Variants in GRID2 observed in about 807,000 individuals in gnomAD.
GRID2 encodes the protein glutamate ionotropic receptor delta type subunit 2.
In GRID2, 33 loss-of-function variants were observed where a neutral mutation model predicts 114.8. That is an observed-to-expected ratio of 0.29 (90% confidence interval 0.22 to 0.38). The LOEUF (loss-of-function observed/expected upper bound fraction) is 0.38. Ranked by LOEUF, GRID2 falls within the 10% of genes least tolerant of loss-of-function variation. The pLI is 1.00. For missense variants in GRID2, 1,184 were observed against 1,257.7 expected (o/e 0.94, Z 0.89); for synonymous variants, 505 against 449.9 (o/e 1.12, Z -1.55).
chr4:92,445,910 G>A (rs539062580), intron 1 of GRID2, among the ~76,000 whole-genome samples: 18 of 151,872 alleles, frequency 1.2e-4, no homozygotes, highest in African/African-American at 4.3e-4. Flanking sequence ...CTAATGTTTT[G>A]TTACTAAAAT....
At chr4:93,677,636 T>G (rs1435318205) in intron 14 of GRID2, among the ~76,000 whole-genome samples, 1 of 152,042 alleles carries the variant, frequency 6.6e-6, no homozygotes, top group African/African-American at 2.4e-5. Context: ...AATCCGCGGT[T>G]CTGCAGACAC....
chr4:92,895,384 C>CATATGTATATATATAT (rs1553943754), intron 2 of GRID2, among the ~76,000 whole-genome samples: 2 of 108,144 alleles, frequency 1.8e-5, no homozygotes, highest in Non-Finnish European at 3.4e-5. Flanking sequence ...ATGTAGAAAA[C>CATATGTATATATATAT]ATATATATAT....
intron 2 of GRID2, among the ~76,000 whole-genome samples, chr4:92,722,307 A>G (rs1222069773): frequency 6.6e-6 from 1 of 152,158 alleles, no homozygotes; most frequent in African/African-American, 2.4e-5. Context: ...AGAAAAGCTC[A>G]TACTGGAACG....
chr4:92,961,954 A>T (rs1752848345), intron 2 of GRID2, among the ~76,000 whole-genome samples: 1 of 151,822 alleles, frequency 6.6e-6, no homozygotes, highest in Non-Finnish European at 1.5e-5. Flanking sequence ...ATCTACTAAT[A>T]TGCCCAAGAA....
At position 92,439,543 on chromosome 4, in the gene GRID2, C is replaced by T. The variant is rs1024148809; in HGVS notation, c.88+134799C>T. The stretch of plus-strand genomic sequence containing the variant: ...CTGCTTCAAGCGGGATTAGGGGCGG[C>T]GTGGGAACCTAGAGTGGGAGAGATT... On this transcript the variant is annotated intron_variant, in intron 1 of 15. Coordinates refer to ENST00000282020, the MANE Select transcript of GRID2 (RefSeq NM_001510.4). Among the ~76,000 whole-genome samples, 763 of 151,326 alleles carry T rather than the reference C, an allele frequency of 5.0e-3. 6 individuals are homozygous for T. Among genetic ancestry groups the T allele is most frequent in the African/African-American group, 0.017 (704 of 41,270 alleles).
At chr4:93,582,130 T>C (rs892333054) in intron 13 of GRID2, among the ~76,000 whole-genome samples, 1 of 152,150 alleles carries the variant, frequency 6.6e-6, no homozygotes, top group African/African-American at 2.4e-5. Context: ...AAAATTAAGG[T>C]GTCAGCAGGT....
chr4:93,454,745 AC>A (rs1310591852), intron 10 of GRID2, among the ~76,000 whole-genome samples: 1 of 152,094 alleles, frequency 6.6e-6, no homozygotes, highest in Non-Finnish European at 1.5e-5. Context: ...CTTTCCTGAA[AC>A]AATTAAAAAG....
chr4:93,391,138 A>T (rs1764814695), intron 8 of GRID2, among the ~76,000 whole-genome samples: 1 of 152,190 alleles, frequency 6.6e-6, no homozygotes, highest in Admixed American at 6.6e-5. Flanking sequence ...TCCTCTAGGG[A>T]ACACATTTTA....
intron 1 of GRID2, among the ~76,000 whole-genome samples, chr4:92,375,117 C>G (rs2110225693): frequency 1.3e-5 from 2 of 152,172 alleles, no homozygotes; most frequent in Non-Finnish European, 2.9e-5. Context: ...GCAAGTTTTC[C>G]TTTAATATTT....
At chr4:92,631,732 G>C (rs1483261417) in intron 2 of GRID2, among the ~76,000 whole-genome samples, 1 of 152,008 alleles carries the variant, frequency 6.6e-6, no homozygotes, top group African/African-American at 2.4e-5. Flanking sequence ...CTTCAACTCT[G>C]CATGGAAAGT....
chr4:93,782,892 TACAC>T (rs57202855), intron 1 of GRID2, among the ~76,000 whole-genome samples: 58,755 of 149,712 alleles, frequency 0.39, 11,573 homozygotes, highest in Middle Eastern at 0.48. Flanking sequence ...CCATGAATCA[TACAC>T]ACACACACAC....
chr4:93,666,218 G>A (rs1723932596), intron 14 of GRID2, among the ~76,000 whole-genome samples: 1 of 151,904 alleles, frequency 6.6e-6, no homozygotes. Context: ...TAGTTTTATT[G>A]TGCTAAACAC....
At chr4:92,667,649 A>G (rs1732853888) in intron 2 of GRID2, among the ~76,000 whole-genome samples, 1 of 151,634 alleles carries the variant, frequency 6.6e-6, no homozygotes, top group African/African-American at 2.4e-5. Context: ...AAGTTTTGTT[A>G]GCTGGACAGT....
At chr4:92,891,589 G>A (rs935691165) in intron 2 of GRID2, among the ~76,000 whole-genome samples, 1 of 152,124 alleles carries the variant, frequency 6.6e-6, no homozygotes, top group Admixed American at 6.5e-5. Flanking sequence ...ATTAGCACAT[G>A]TACTGGGTGA....
intron 4 of GRID2, among the ~76,000 whole-genome samples, chr4:93,168,611 C>T (rs1047541970): frequency 1.3e-5 from 2 of 151,908 alleles, no homozygotes; most frequent in East Asian, 1.9e-4. Flanking sequence ...TAAACATGGG[C>T]AATTGGAGTT....
intron 2 of GRID2, among the ~76,000 whole-genome samples, chr4:92,709,574 A>AG: frequency 8.6e-6 from 1 of 116,324 alleles, no homozygotes; most frequent in East Asian, 2.6e-4. Flanking sequence ...AGTGTAGAGA[A>AG]AAAAAAAAAA....
chr4:93,479,976 TCTTTA>T (rs1268105717), intron 11 of GRID2, among the ~76,000 whole-genome samples: 2 of 152,138 alleles, frequency 1.3e-5, no homozygotes, highest in Admixed American at 6.6e-5. Flanking sequence ...TTGAAAATTC[TCTTTA>T]CTTGTATAAG....
intron 4 of GRID2, among the ~76,000 whole-genome samples, chr4:93,157,994 G>T (rs1250315925): frequency 6.6e-6 from 1 of 151,788 alleles, no homozygotes; most frequent in Non-Finnish European, 1.5e-5. Context: ...GACTACAGTT[G>T]CACATGTAGT....
intron 4 of GRID2, among the ~76,000 whole-genome samples, chr4:93,118,029 C>T (rs1041621509): frequency 4.6e-5 from 7 of 152,092 alleles, no homozygotes; most frequent in Admixed American, 4.6e-4. Flanking sequence ...TTTGAGCTCT[C>T]CATCTCACAC....
Sources: gnomAD v4.1 joint callset for allele counts (sites outside exome capture counted in the v4.1 genomes callset) on GRCh38, gnomAD v4.1.1 for gene constraint, MANE v1.5 for transcripts, NCBI Gene and HGNC (gene_info 2026-07-23, HGNC 2026-07-21) for gene names.